Variants in PKNOX1 observed in about 807,000 individuals in gnomAD.
The protein encoded by PKNOX1 is PBX/knotted 1 homeobox 1.
Under a neutral mutation model 51.9 loss-of-function variants are expected in PKNOX1, and 15 were observed. That is an observed-to-expected ratio of 0.29 (90% CI 0.19 to 0.45). The LOEUF (loss-of-function observed/expected upper bound fraction) is 0.45. Ranked by LOEUF, PKNOX1 falls within the 20% of genes least tolerant of loss-of-function variation. The probability of loss-of-function intolerance (pLI) is 1.00; values close to 1 mark genes in which losing one functional copy is unlikely to be tolerated. For missense variants in PKNOX1, 462 were observed against 547.5 expected, an observed-to-expected ratio of 0.84 and a Z score of 1.56; for synonymous variants, 219 against 211.1, an observed-to-expected ratio of 1.04 and a Z score of -0.32.
At chr21:43,009,671 G>C (rs908328690) in intron 3 of PKNOX1, among the ~76,000 whole-genome samples, 2 of 150,412 alleles carry the variant, frequency 1.3e-5, no homozygotes, top group Non-Finnish European at 3.0e-5. Context: ...GGTAAGCCTT[G>C]GACACTTTAT....
intron 1 of PKNOX1, among the ~76,000 whole-genome samples, chr21:42,992,938 CT>C (rs2059095818): frequency 7.0e-6 from 1 of 142,516 alleles, no homozygotes; most frequent in Non-Finnish European, 1.5e-5. Context: ...TGGGGGTCTC[CT>C]TTATGTCATT....
At chr21:42,982,426 T>A (rs1013613728) in intron 1 of PKNOX1, among the ~76,000 whole-genome samples, 1 of 152,126 alleles carries the variant, frequency 6.6e-6, no homozygotes, top group Middle Eastern at 3.2e-3. Context: ...GGAATTTAAC[T>A]TGACAAGAAA....
intron 6 of PKNOX1, 184 bp from the exon 7 acceptor site, chr21:43,017,949 T>C (rs1979565500): frequency 1.8e-6 from 1 of 550,654 alleles, no homozygotes; most frequent in Admixed American, 3.2e-5. Context: ...GTGCCTCACA[T>C]CTGTAATTCC....
intron 1 of PKNOX1, among the ~76,000 whole-genome samples, chr21:42,984,974 C>CTTTTTTTTTTTTTTTTTTTTTTT (rs71195904): frequency 5.2e-5 from 3 of 57,998 alleles, no homozygotes; most frequent in African/African-American, 2.1e-4. Flanking sequence ...ATTTTCTTTT[C>CTTTTTTTTTTTTTTTTTTTTTTT]TTTTTTTTTT....
At chr21:42,996,891 AT>A (rs34637573) in intron 1 of PKNOX1, among the ~76,000 whole-genome samples, 32 of 145,280 alleles carry the variant, frequency 2.2e-4, no homozygotes, top group South Asian at 6.5e-4. Context: ...TTTGTATTTG[AT>A]TTTTTTTTTT....
Position 42,995,111 on chromosome 21 carries a change from G to A in PKNOX1, c.-56-9215G>A, listed in dbSNP as rs575901290. On this transcript the variant is annotated intron_variant, in intron 1 of 10. Transcript: ENST00000291547. The stretch of plus-strand genomic sequence containing the variant: ...TGATTTTTGTATTTTTAGTAGAGAC[G>A]GGGTTTTACCATCTTGGCCAGGCTG... 2.7e-4 allele frequency among the ~76,000 whole-genome samples: 41 copies of A among 151,628 alleles called. No individual in the cohort carries two copies. In the South Asian group the frequency reaches 7.5e-3, roughly 28 times the overall value.
rs1193157665 is a variant in PKNOX1, at chr21:43,028,831, A to C, written c.1056A>C (p.Ser352=). The C allele has an allele frequency of 6.2e-7, 1 of 1,614,158 alleles. No homozygotes were observed. The highest frequency in any genetic ancestry group is 1.1e-5 in the South Asian group (1 of 91,086). The change falls in exon 10 of 11, where the codon TCA becomes TCC. Residue 352 remains serine, a synonymous_variant. Transcript: ENST00000291547. The part of the protein sequence containing the change: ...VQRFWPDSIA[S]GVAQPPPSEL... ...GGTTTTGGCCTGATTCTATTGCATCAGGAGTCGCACAGCCACCGCCGAGCG... is the reference window on the plus strand; with the variant it reads ...GGTTTTGGCCTGATTCTATTGCATCCGGAGTCGCACAGCCACCGCCGAGCG...
intron 7 of PKNOX1, among the ~76,000 whole-genome samples, chr21:43,019,715 G>A (rs1227283508): frequency 6.6e-6 from 1 of 151,814 alleles, no homozygotes; most frequent in African/African-American, 2.4e-5. Context: ...GCTAATTTTT[G>A]TATTTTTAGT....
chr21:42,997,526 G>T (rs1401329360), intron 1 of PKNOX1, among the ~76,000 whole-genome samples: 2 of 152,290 alleles, frequency 1.3e-5, no homozygotes, highest in East Asian at 3.9e-4. Flanking sequence ...TCAGTGATTA[G>T]CTTCAGGAAG....
chr21:43,025,453 G>A (rs947298367), intron 9 of PKNOX1, among the ~76,000 whole-genome samples: 2 of 152,174 alleles, frequency 1.3e-5, no homozygotes, highest in Non-Finnish European at 2.9e-5. Context: ...TTCTTGTGGG[G>A]GTCCTGCTCC....
intron 1 of PKNOX1, among the ~76,000 whole-genome samples, chr21:42,981,521 G>GA (rs2059025735): frequency 6.6e-6 from 1 of 152,184 alleles, no homozygotes; most frequent in Non-Finnish European, 1.5e-5. Context: ...GAAGGGGACA[G>GA]AGCAGCTTAT....
At chr21:43,009,641 A>G (rs919592914) in intron 3 of PKNOX1, among the ~76,000 whole-genome samples, 1 of 150,314 alleles carries the variant, frequency 6.7e-6, no homozygotes, top group Non-Finnish European at 1.5e-5. Flanking sequence ...GGAATAAAGT[A>G]CTGATACCCG....
rs1979751153 is a variant in PKNOX1 at position 43,021,470 on chromosome 21, T to C, written c.849+39T>C. 1 of 1,554,864 alleles carries C rather than the reference T, an allele frequency of 6.4e-7. No individual in the cohort carries two copies. The highest frequency in any genetic ancestry group is 1.9e-5 in the Admixed American group (1 of 51,410). On this transcript the variant is annotated intron_variant, in intron 8 of 10. Coordinates refer to ENST00000291547, the MANE Select transcript of PKNOX1 (RefSeq NM_004571.5). The surrounding 1 kb of genome is among the most constrained non-coding windows in gnomAD (Gnocchi z 4.6). ...GGCCAGCCCTTGCCTTGCAGCCCTC[T>C]GCGACGCTTGCTCTCTGGCTTATGT...
chr21:42,987,401 AAAAAT>A (rs1446362804), intron 1 of PKNOX1, among the ~76,000 whole-genome samples: 93 of 97,444 alleles, frequency 9.5e-4, no homozygotes, highest in South Asian at 7.2e-3. Context: ...AAAAAAAAAA[AAAAAT>A]ATATATATAT....
chr21:43,009,150 A>C (rs1367653374), intron 3 of PKNOX1, among the ~76,000 whole-genome samples: 1 of 152,226 alleles, frequency 6.6e-6, no homozygotes, highest in Non-Finnish European at 1.5e-5. Context: ...TGTTGTCTCT[A>C]CTAAAACAAA....
At position 43,021,142 on chromosome 21, in the gene PKNOX1, C is replaced by T. The variant is rs996897159; in HGVS notation, c.721-161C>T. 8.3e-5 allele frequency: 42 copies of T among 507,556 alleles called. No individual in the cohort carries two copies. In the East Asian group the frequency reaches 8.4e-4, roughly 10 times the overall value. The allele number at this position is 507,556 out of a possible 1,614,324, so 31.4% of individuals were successfully genotyped here. On this transcript the variant is annotated intron_variant, in intron 7 of 10. Coordinates refer to ENST00000291547, the MANE Select transcript of PKNOX1 (RefSeq NM_004571.5). This position sits in a 1 kb window ranked among gnomAD's most constrained non-coding sequence, Gnocchi z 4.6. ...GAAAGGCTGGTCATGTGGAGGGAGC[C>T]GTGTCCTGAAACATCAGTCCACACA...
In PKNOX1 at chr21:43,030,303, G is replaced by A. The variant is rs903319134; in HGVS notation, c.*202G>A. 12 of 397,462 alleles carry A rather than the reference G, an allele frequency of 3.0e-5. No homozygotes were observed. The highest frequency in any genetic ancestry group is 1.5e-4 in the East Asian group (4 of 26,880). 24.6% of individuals were successfully genotyped at this position (397,462 alleles called of 1,614,324 possible). On this transcript the variant is annotated 3_prime_UTR_variant, in exon 11 of 11. Transcript: ENST00000291547. ...TGTGTGTGTGTGTGTGCGTGTGTGCGTGTGTGTGGATTTTTAAAGAAATTC... is the reference window on the plus strand; with the variant it reads ...TGTGTGTGTGTGTGTGCGTGTGTGCATGTGTGTGGATTTTTAAAGAAATTC...
rs1306920157 is a variant in PKNOX1, at chr21:43,030,184, TA to T, written c.*84del. 1.4e-5 allele frequency: 16 copies of T among 1,106,036 alleles called. No homozygotes were observed. In the Admixed American group the frequency reaches 3.6e-4, roughly 25 times the overall value. The allele number at this position is 1,106,036 out of a possible 1,614,324, so 68.5% of individuals were successfully genotyped here. A position where few individuals can be genotyped will look rare whatever the true frequency, so the allele number is the denominator to read the frequency against. On this transcript the variant is annotated 3_prime_UTR_variant, in exon 11 of 11. Transcript: ENST00000291547. ...TTTTATTTCTAATATGTTTTATATG[TA>T]GATATAGAAGAGTGCACTTTTGTAT...
Position 43,021,684 on chromosome 21 carries a change from G to A in PKNOX1, c.849+253G>A, listed in dbSNP as rs991892616. On this transcript the variant is annotated intron_variant, in intron 8 of 10. Transcript: ENST00000291547. This position sits in a 1 kb window ranked among gnomAD's most constrained non-coding sequence, Gnocchi z 4.6. ...ACGTGTGTCCGAGACAGCCCACCAC[G>A]AAGGGTGATGGGGTCAGGTGAGCCA... is the stretch of plus-strand genomic sequence containing the variant. 2.6e-5 allele frequency among the ~76,000 whole-genome samples: 4 copies of A among 152,230 alleles called. No individual in the cohort carries two copies. Among genetic ancestry groups the A allele is most frequent in the African/African-American group, 9.6e-5 (4 of 41,466 alleles).
Sources: allele counts gnomAD v4.1 joint callset (sites outside exome capture counted in the v4.1 genomes callset), GRCh38; gene constraint gnomAD v4.1.1; non-coding constraint Gnocchi (gnomAD v3.1); transcripts MANE v1.5; gene names NCBI Gene and HGNC (gene_info 2026-07-23, HGNC 2026-07-21).